The following CLEC4F variants were observed in gnomAD, a reference collection of about 807,000 sequenced individuals.
CLEC4F encodes C-type (calcium dependent, carbohydrate-recognition domain) lectin, superfamily member 13.
Under a neutral mutation model 53.4 loss-of-function variants are expected in CLEC4F, and 45 were observed. That is an observed-to-expected ratio of 0.84 (90% confidence interval 0.66 to 1.08). The LOEUF is 1.08. CLEC4F is among the 50% of genes least tolerant of loss of function. The probability of loss-of-function intolerance (pLI) is 0.00; values close to 1 mark genes in which losing one functional copy is unlikely to be tolerated. For missense variants in CLEC4F, 753 were observed against 698.2 expected, an observed-to-expected ratio of 1.08 and a Z score of -0.88; for synonymous variants, 245 against 257.5, an observed-to-expected ratio of 0.95 and a Z score of 0.46.
chr2:70,821,605 CTCT>C (rs1291091227), upstream of CLEC4F, among the ~76,000 whole-genome samples: 1 of 152,184 alleles, frequency 6.6e-6, no homozygotes, highest in Admixed American at 6.5e-5. Flanking sequence ...CCCTGTGTAC[CTCT>C]TCATCAGGCT....
rs370268756 is a variant in CLEC4F at position 70,819,848 on chromosome 2, C to T, written c.105G>A (p.Pro35=). 1.4e-5 allele frequency: 23 copies of T among 1,607,954 alleles called. No homozygotes were observed. The East Asian group carries it at 2.2e-4, about 16-fold the overall frequency. ...ATGCCGGGGTAGCCTGAACGAGCCT[C>T]GGTATCTTGGGGGCTGCAGGAGCCA... The part of the protein sequence containing the change: ...VAMAPAAPKI[P]RLVQATPAFM... Residue 35 remains proline (P), a synonymous_variant, in exon 2 of 7, where the codon CCG becomes CCA. Coordinates refer to ENST00000272367, the MANE Select transcript of CLEC4F (RefSeq NM_173535.3).
upstream of CLEC4F, among the ~76,000 whole-genome samples, chr2:70,824,933 A>G (rs982167511): frequency 3.9e-5 from 6 of 152,218 alleles, no homozygotes; most frequent in South Asian, 8.3e-4. Context: ...TGTGAACTGC[A>G]TATAGTGACT....
In CLEC4F at chr2:70,808,900, AG is replaced by A; in HGVS notation, c.*370del. 1 of 619,944 alleles carries A rather than the reference AG, an allele frequency of 1.6e-6. No homozygotes were observed. The highest frequency in any genetic ancestry group is 1.8e-5 in the African/African-American group (1 of 54,424). The allele number at this position is 619,944 out of a possible 1,614,324, so 38.4% of individuals were successfully genotyped here. A position where few individuals can be genotyped will look rare whatever the true frequency, so the allele number is the denominator to read the frequency against. On this transcript the variant is annotated 3_prime_UTR_variant, in exon 7 of 7. Transcript: ENST00000272367. ...AGGAGGAGGGTCAGTATTGGCAAGCAGGAGCAGCCCCTCAGCTCTGGCCTGC... is the reference window on the plus strand; with the variant it reads ...AGGAGGAGGGTCAGTATTGGCAAGCAGAGCAGCCCCTCAGCTCTGGCCTGC...
rs781980692 is a variant in CLEC4F, at chr2:70,819,339, C to G, written c.268+16G>C. 1.2e-5 allele frequency: 19 copies of G among 1,606,692 alleles called. No individual in the cohort carries two copies. The highest frequency in any genetic ancestry group is 1.6e-5 in the Non-Finnish European group (19 of 1,173,444). ...CCCAGTTCCCTCTGCACCCCACCCC[C>G]ACTGTGGCTACTCACTGTTGGGTTC... On this transcript the variant is annotated intron_variant, in intron 3 of 6. Coordinates refer to ENST00000272367, the MANE Select transcript of CLEC4F (RefSeq NM_173535.3).
Position 70,809,739 on chromosome 2 carries a change from G to A in CLEC4F, c.1658C>T (p.Ala553Val), listed in dbSNP as rs782636606. The A allele has an allele frequency of 1.2e-6, 2 of 1,612,388 alleles. No individual in the cohort carries two copies. The highest frequency in any genetic ancestry group is 1.1e-5 in the South Asian group (1 of 91,048). ...AGCGCCAGATGGTGGCTAGACTCAC[G>A]CTTTGTTCTGGGCGGCGTTGAATGG... ...GTPFNAAQNKAPGSKGSCPLR... is the reference protein window; with the variant it reads ...GTPFNAAQNKVPGSKGSCPLR... The change falls in exon 6 of 7, where the codon GCG (alanine) becomes GTG (valine). Residue 553 changes from alanine (A) to valine (V), a missense_variant and splice_region_variant. Physicochemically the swap from Ala to Val is moderately conservative, Grantham distance 64. Transcript: ENST00000272367.
At chr2:70,824,024 CAA>C (rs1179902981), upstream of CLEC4F, among the ~76,000 whole-genome samples, 1 of 60,682 alleles carries the variant, frequency 1.6e-5, no homozygotes, top group Non-Finnish European at 3.6e-5. Flanking sequence ...AGCAAGACTC[CAA>C]AAAAAAAAAA....
intron 4 of CLEC4F, among the ~76,000 whole-genome samples, chr2:70,815,184 A>T (rs1676828162): frequency 6.6e-6 from 1 of 152,152 alleles, no homozygotes; most frequent in African/African-American, 2.4e-5. Flanking sequence ...GAACTGCCTG[A>T]AGTTTCCAGA....
upstream of CLEC4F, among the ~76,000 whole-genome samples, chr2:70,823,424 T>G (rs1677275751): frequency 6.6e-6 from 1 of 152,128 alleles, no homozygotes; most frequent in African/African-American, 2.4e-5. Flanking sequence ...GGGCTTGTCT[T>G]GGTTTCTGTT....
At chr2:70,824,911 C>T (rs1215630266), upstream of CLEC4F, among the ~76,000 whole-genome samples, 5 of 152,140 alleles carry the variant, frequency 3.3e-5, no homozygotes, top group Admixed American at 2.0e-4. Context: ...GTGTAACTTC[C>T]TACTCTTTCA....
rs376158398 is a variant in CLEC4F at position 70,819,809 on chromosome 2, G to C, written c.144C>G (p.Thr48=). Residue 48 remains threonine (T), a synonymous_variant, in exon 2 of 7, where the codon ACC becomes ACG. Transcript: ENST00000272367. ...AGAGAGTCACAAGAGAGAAGACCAA[G>C]GTCACAGCCATAAATGCCGGGGTAG... ...VQATPAFMAV[T]LVFSLVTLFV... 6.2e-7 allele frequency: 1 copy of C among 1,607,192 alleles called. No individual in the cohort carries two copies. The highest frequency in any genetic ancestry group is 1.7e-5 in the Admixed American group (1 of 58,712).
Position 70,809,981 on chromosome 2 carries a change from A to G in CLEC4F, c.1540-124T>C, listed in dbSNP as rs1380296470. On this transcript the variant is annotated intron_variant, in intron 5 of 6. Coordinates refer to ENST00000272367, the MANE Select transcript of CLEC4F (RefSeq NM_173535.3). ...ATGCATATCAAAAACTGTAAACAGAATTTTAAAACACTTTTATCTCATTTG... is the reference window on the plus strand; with the variant it reads ...ATGCATATCAAAAACTGTAAACAGAGTTTTAAAACACTTTTATCTCATTTG... The G allele has an allele frequency of 2.3e-5, 16 of 683,916 alleles. No individual in the cohort carries two copies. In the East Asian group the frequency reaches 2.8e-4, roughly 12 times the overall value. The allele number at this position is 683,916 out of a possible 1,614,324, so 42.4% of individuals were successfully genotyped here.
intron 3 of CLEC4F, among the ~76,000 whole-genome samples, chr2:70,817,561 A>G (rs1484508438): frequency 6.6e-6 from 1 of 152,234 alleles, no homozygotes; most frequent in Non-Finnish European, 1.5e-5. Context: ...TTAGTCCTAC[A>G]TTATATTTGT....
chr2:70,817,941 C>T (rs910964133), intron 3 of CLEC4F, among the ~76,000 whole-genome samples: 58 of 152,326 alleles, frequency 3.8e-4, no homozygotes, highest in African/African-American at 1.3e-3. Context: ...CAAGGTCTTT[C>T]CCACCAACCT....
upstream of CLEC4F, among the ~76,000 whole-genome samples, chr2:70,824,857 T>C (rs998926582): frequency 3.3e-5 from 5 of 152,108 alleles, no homozygotes; most frequent in African/African-American, 1.2e-4. Context: ...GGGCAGAAAA[T>C]GTCCAAATAT....
chr2:70,817,778 T>C (rs1441677723), intron 3 of CLEC4F, among the ~76,000 whole-genome samples: 6 of 152,200 alleles, frequency 3.9e-5, no homozygotes, highest in Admixed American at 6.5e-5. Flanking sequence ...TAACTAACAC[T>C]GGACCTCAGC....
In CLEC4F at chr2:70,816,028, G is replaced by A; in HGVS notation, c.1353C>T (p.Val451=). 1 of 1,613,950 alleles carries A rather than the reference G, an allele frequency of 6.2e-7. No individual in the cohort carries two copies. The highest frequency in any genetic ancestry group is 8.5e-7 in the Non-Finnish European group (1 of 1,179,972). Residue 451 remains valine (V), a synonymous_variant, in exon 4 of 7, where the codon GTC becomes GTT. Transcript: ENST00000272367. The stretch of plus-strand genomic sequence containing the variant: ...TTTGTAGCTGTTCCTGTGAAGTAAT[G>A]ACCACATGGAGGGTCTTCAGGCGAC... ...EQSRLKTLHV[V]ITSQEQLQRT...
At position 70,817,093 on chromosome 2, in the gene CLEC4F, C is replaced by A; in HGVS notation, c.288G>T (p.Arg96Ser). The A allele has an allele frequency of 1.2e-6, 2 of 1,609,064 alleles. No homozygotes were observed. The highest frequency in any genetic ancestry group is 1.7e-6 in the Non-Finnish European group (2 of 1,179,686). ...FEPNNHHHFG[R>S]EAEMRELIQT... is the part of the protein sequence containing the mutation. The stretch of plus-strand genomic sequence containing the variant: ...GGATAAGCTCTCGCATTTCTGCCTC[C>A]CTGCCAAAGTGGTGATGATCTGGAG... Residue 96 changes from arginine to serine, a missense_variant, in exon 4 of 7, where the codon AGG becomes AGT. Physicochemically the swap from Arg to Ser is moderately radical, Grantham distance 110. Transcript: ENST00000272367.
At chr2:70,813,575 T>TTTTCTTTCTCTCTC (rs1676697890) in intron 4 of CLEC4F, among the ~76,000 whole-genome samples, 1 of 120,132 alleles carries the variant, frequency 8.3e-6, no homozygotes, top group Admixed American at 8.6e-5. Flanking sequence ...TTCTCTTTCT[T>TTTTCTTTCTCTCTC]TTTCTTTCTC....
intron 5 of CLEC4F, among the ~76,000 whole-genome samples, chr2:70,810,311 T>A (rs1193050317): frequency 6.6e-6 from 1 of 152,168 alleles, no homozygotes; most frequent in Non-Finnish European, 1.5e-5. Context: ...AGCTTATGAA[T>A]AACTTAAAAA....
Sources: gnomAD v4.1 joint callset for allele counts (sites outside exome capture counted in the v4.1 genomes callset) on GRCh38, gnomAD v4.1.1 for gene constraint, MANE v1.5 for transcripts, NCBI Gene and HGNC (gene_info 2026-07-23, HGNC 2026-07-21) for gene names.